The following IBTK variants were observed in gnomAD, a reference collection of about 807,000 sequenced individuals.
IBTK encodes the protein inhibitor of Bruton tyrosine kinase, also known as BTK-binding protein.
IBTK carries 83 observed loss-of-function variants against 154.9 expected under a neutral mutation model. The observed-to-expected ratio is 0.54, with a 90% confidence interval of 0.45 to 0.64. The LOEUF (loss-of-function observed/expected upper bound fraction) is 0.64. IBTK is among the 30% of genes least tolerant of loss of function. The pLI is 0.00. For missense variants in IBTK, 1,332 were observed against 1,584.6 expected (o/e 0.84, Z 2.71); for synonymous variants, 515 against 536.1 (o/e 0.96, Z 0.54).
At chr6:82,213,616 C>T (rs897992915) in intron 12 of IBTK, among the ~76,000 whole-genome samples, 1 of 151,972 alleles carries the variant, frequency 6.6e-6, no homozygotes, top group African/African-American at 2.4e-5. Flanking sequence ...GAAAATTGTC[C>T]CAGCCAGGAA....
At chr6:82,202,777 A>C (rs1438612834) in intron 17 of IBTK, 132 bp from the exon 18 acceptor site, 2 of 563,676 alleles carry the variant, frequency 3.5e-6, no homozygotes, top group South Asian at 2.5e-5. Flanking sequence ...TGCCAAAAAT[A>C]AGTTAATACT....
At position 82,191,895 on chromosome 6, in the gene IBTK, G is replaced by C; in HGVS notation, c.3339-16C>G. On this transcript the variant is annotated splice_polypyrimidine_tract_variant and intron_variant, in intron 23 of 28. Transcript: ENST00000306270. ...GCTGACAGGACTAAAAGACATAAAA[G>C]GTTACTTTGCAAAGCATTCATTTAC... is the stretch of plus-strand genomic sequence containing the variant. The C allele has an allele frequency of 6.6e-7, 1 of 1,525,428 alleles. No homozygotes were observed. Among genetic ancestry groups the C allele is most frequent in the Non-Finnish European group, 9.0e-7 (1 of 1,108,062 alleles). The allele number at this position is 1,525,428 out of a possible 1,614,324, so 94.5% of individuals were successfully genotyped here.
intron 1 of IBTK, among the ~76,000 whole-genome samples, chr6:82,245,214 T>C (rs1771099167): frequency 6.6e-6 from 1 of 151,776 alleles, no homozygotes; most frequent in South Asian, 2.1e-4. Context: ...AGAAGAGGGG[T>C]CCAGGTAAGA....
intron 21 of IBTK, among the ~76,000 whole-genome samples, chr6:82,197,209 G>A (rs1339621327): frequency 1.3e-5 from 2 of 152,024 alleles, no homozygotes; most frequent in Non-Finnish European, 2.9e-5. Flanking sequence ...TATCTAACTT[G>A]TAACTAAAAG....
At chr6:82,180,971 G>A (rs955129004) in intron 26 of IBTK, among the ~76,000 whole-genome samples, 2 of 152,218 alleles carry the variant, frequency 1.3e-5, no homozygotes, top group African/African-American at 4.8e-5. Context: ...ATGCTGGAGT[G>A]CAGTGGTTTG....
intron 21 of IBTK, among the ~76,000 whole-genome samples, chr6:82,197,975 A>T (rs781227589): frequency 2.0e-4 from 31 of 152,182 alleles, no homozygotes; most frequent in Admixed American, 5.2e-4. Flanking sequence ...TTGACTACAG[A>T]TATCCTGGCC....
intron 9 of IBTK, among the ~76,000 whole-genome samples, chr6:82,218,625 A>G (rs1323574800): frequency 6.6e-6 from 1 of 152,196 alleles, no homozygotes; most frequent in African/African-American, 2.4e-5. Flanking sequence ...ACAGAATTCA[A>G]TGGTTGTAAA....
intron 26 of IBTK, among the ~76,000 whole-genome samples, chr6:82,181,428 T>G (rs1347478741): frequency 6.6e-6 from 1 of 152,146 alleles, no homozygotes; most frequent in African/African-American, 2.4e-5. Flanking sequence ...AGAAGACAGA[T>G]TTTACAATGG....
intron 3 of IBTK, among the ~76,000 whole-genome samples, chr6:82,232,151 C>A (rs1222162620): frequency 1.3e-5 from 2 of 151,854 alleles, no homozygotes; most frequent in African/African-American, 4.8e-5. Context: ...CACCTCGGCC[C>A]CCCAAAGTGC....
chr6:82,204,070 T>C (rs1001697300), intron 17 of IBTK, among the ~76,000 whole-genome samples: 1 of 152,154 alleles, frequency 6.6e-6, no homozygotes, highest in Non-Finnish European at 1.5e-5. Context: ...AGTTAACCTT[T>C]ATTCTAGAGT....
intron 4 of IBTK, among the ~76,000 whole-genome samples, chr6:82,228,088 T>C (rs935414151): frequency 6.6e-6 from 1 of 152,104 alleles, no homozygotes; most frequent in Admixed American, 6.5e-5. Context: ...CATTTTGCTA[T>C]TTTCCAAGCT....
At chr6:82,201,216 T>A (rs1769197063) in intron 19 of IBTK, among the ~76,000 whole-genome samples, 1 of 152,112 alleles carries the variant, frequency 6.6e-6, no homozygotes, top group Non-Finnish European at 1.5e-5. Flanking sequence ...AAGAAATTAA[T>A]AAATATTAAC....
rs757965458 is a variant in IBTK at position 82,224,146 on chromosome 6, C to G, written c.865G>C (p.Val289Leu). The G allele has an allele frequency of 1.2e-6, 2 of 1,613,902 alleles. No individual in the cohort carries two copies. The highest frequency in any genetic ancestry group is 1.7e-6 in the Non-Finnish European group (2 of 1,179,892). Residue 289 changes from valine (V) to leucine (L), a missense_variant, in exon 7 of 29, where the codon GTT becomes CTT. Coordinates refer to ENST00000306270, the MANE Select transcript of IBTK (RefSeq NM_015525.4). The stretch of plus-strand genomic sequence containing the variant: ...ACTGTATGAAACCTGCCTGCTGCAA[C>G]GCCAATGATTGTCCTTCCTTTCAGA... ...KYLKGRTIIG[V>L]AAGRFHTVLW...
chr6:82,203,503 C>T (rs1198156664), intron 17 of IBTK, among the ~76,000 whole-genome samples: 2 of 152,096 alleles, frequency 1.3e-5, no homozygotes, highest in Non-Finnish European at 2.9e-5. Flanking sequence ...TCACTCCTGA[C>T]TAATCTACAT....
Position 82,202,543 on chromosome 6 carries a change from G to A in IBTK, c.2714C>T (p.Ala905Val). The A allele has an allele frequency of 6.3e-7, 1 of 1,598,916 alleles. No homozygotes were observed. ...CCTCACCTACCTTGCTTCAAGTAAA[G>A]CTGCCATATTCAATCCTATAAACTG... ...CLQFIGLNMA[A>V]LLEARSLDVL... Residue 905 changes from alanine (A) to valine (V), a missense_variant, in exon 18 of 29, where the codon GCT becomes GTT. Ala to Val is a moderately conservative substitution (Grantham distance 64, BLOSUM62 0). Coordinates refer to ENST00000306270, the MANE Select transcript of IBTK (RefSeq NM_015525.4).
chr6:82,217,816 T>C (rs942113853), intron 10 of IBTK, 144 bp downstream of exon 10: 6 of 507,216 alleles, frequency 1.2e-5, no homozygotes, highest in African/African-American at 8.0e-5. Flanking sequence ...TACACTCTAA[T>C]AGGAAACAGG....
In IBTK at chr6:82,214,342, TCTCA is replaced by T; in HGVS notation, c.2085_2088del (p.Ser695ArgfsTer22). 6.2e-7 allele frequency: 1 copy of T among 1,614,116 alleles called. No homozygotes were observed. Among genetic ancestry groups the T allele is most frequent in the Non-Finnish European group, 8.5e-7 (1 of 1,179,988 alleles). ...CAAGATTTAGGTTTGCTCTTCTGCC[TCTCA>T]CTAACTGTTTGAGCTTGATTACTTT... On this transcript the variant is annotated frameshift_variant, in exon 12 of 29. Transcript: ENST00000306270. LOFTEE classifies it high-confidence loss of function.
At chr6:82,234,846 A>C (rs1471113013) in intron 2 of IBTK, among the ~76,000 whole-genome samples, 1 of 152,106 alleles carries the variant, frequency 6.6e-6, no homozygotes, top group Non-Finnish European at 1.5e-5. Flanking sequence ...TTTAAATAAA[A>C]ATTAACTACA....
chr6:82,216,041 T>C (rs1481596445), intron 11 of IBTK, 35 bp downstream of exon 11: 2 of 1,503,104 alleles, frequency 1.3e-6, no homozygotes, highest in Admixed American at 4.4e-5. Flanking sequence ...TGATTGTTCC[T>C]TCTAAAAAAT....
Sources: allele counts gnomAD v4.1 joint callset (sites outside exome capture counted in the v4.1 genomes callset), GRCh38; gene constraint gnomAD v4.1.1; transcripts MANE v1.5; gene names NCBI Gene and HGNC (gene_info 2026-07-23, HGNC 2026-07-21).